The following FAF2 variants were observed in gnomAD, a reference collection of about 807,000 sequenced individuals.
FAF2 encodes the protein Fas associated factor family member 2, also known as FAS-associated factor 2.
A neutral mutation model predicts 62.3 loss-of-function variants in FAF2; 9 were observed. The observed-to-expected ratio is 0.14, with a 90% CI of 0.09 to 0.25. The LOEUF is 0.25. Ranked by LOEUF, FAF2 falls within the 10% of genes least tolerant of loss-of-function variation. The pLI, the probability that FAF2 is intolerant of heterozygous loss-of-function variation, is 1.00. For synonymous variants in FAF2, 202 were observed against 198.0 expected (o/e 1.02, Z -0.17); for missense variants, 368 against 556.2 (o/e 0.66, Z 3.40).
In FAF2 at chr5:176,508,274, A is replaced by T. The variant is rs923796228; in HGVS notation, c.*1324A>T. The T allele has an allele frequency of 6.6e-6, 1 of 152,140 alleles. No homozygotes were observed. The highest frequency in any genetic ancestry group is 1.5e-5 in the Non-Finnish European group (1 of 68,048). The allele number at this position is 152,140 out of a possible 1,614,324, so 9.4% of individuals were successfully genotyped here. On this transcript the variant is annotated 3_prime_UTR_variant, in exon 11 of 11. Coordinates refer to ENST00000261942, the MANE Select transcript of FAF2 (RefSeq NM_014613.3). ...GGGTACATGGGTCAGGCCATGTATT[A>T]ACAGATGCCAGTGCGCTCTGACAAG...
At position 176,476,627 on chromosome 5, in the gene FAF2, CTTTT is replaced by C. The variant is rs58104178; in HGVS notation, c.64-2541_64-2538del. Among the ~76,000 whole-genome samples the C allele has an allele frequency of 2.7e-4, 26 of 95,054 alleles. No individual in the cohort carries two copies. In the South Asian group the frequency reaches 3.2e-3, roughly 12 times the overall value. 62.4% of individuals were successfully genotyped at this position (95,054 alleles called of 152,430 possible). A position where few individuals can be genotyped will look rare whatever the true frequency, so the allele number is the denominator to read the frequency against. ...GGGGAAGATGGTAAGATTAGAGTCC[CTTTT>C]TTTTTTTTTTTTTTTTTTTGAGATG... On this transcript the variant is annotated intron_variant, in intron 1 of 10. Transcript: ENST00000261942.
At chr5:176,478,153 T>G (rs1758734236) in intron 1 of FAF2, among the ~76,000 whole-genome samples, 1 of 152,176 alleles carries the variant, frequency 6.6e-6, no homozygotes, top group African/African-American at 2.4e-5. Flanking sequence ...ACTGTTAGAT[T>G]TGCTGAATAT....
At chr5:176,478,491 G>A (rs896907441) in intron 1 of FAF2, among the ~76,000 whole-genome samples, 2 of 152,046 alleles carry the variant, frequency 1.3e-5, no homozygotes, top group Non-Finnish European at 2.9e-5. Context: ...AAAAAAAGTG[G>A]CGGGGGGTAG....
chr5:176,495,537 A>G (rs1386293129), intron 7 of FAF2, among the ~76,000 whole-genome samples: 1 of 141,146 alleles, frequency 7.1e-6, no homozygotes, highest in African/African-American at 2.7e-5. Flanking sequence ...TTTGAGACCA[A>G]GTTTTACTCT....
At position 176,450,693 on chromosome 5, in the gene FAF2, A is replaced by G. The variant is rs575183164; in HGVS notation, c.63+2223A>G. 5.9e-5 allele frequency among the ~76,000 whole-genome samples: 9 copies of G among 152,178 alleles called. No individual in the cohort carries two copies. In the South Asian group the frequency reaches 1.2e-3, roughly 21 times the overall value. ...CTCAGCCTCTCGAGTAGCTGGGACT[A>G]CAGGCACGCGCCACCACATCCAGCG... On this transcript the variant is annotated intron_variant, in intron 1 of 10. Transcript: ENST00000261942.
intron 1 of FAF2, among the ~76,000 whole-genome samples, chr5:176,456,740 G>C (rs1321240725): frequency 6.6e-6 from 1 of 152,108 alleles, no homozygotes; most frequent in East Asian, 1.9e-4. Context: ...CCTCCACTCT[G>C]TTGCTCTTTT....
At chr5:176,467,797 A>G (rs941789905) in intron 1 of FAF2, among the ~76,000 whole-genome samples, 1 of 152,070 alleles carries the variant, frequency 6.6e-6, no homozygotes, top group African/African-American at 2.4e-5. Flanking sequence ...TGTTGAGGAA[A>G]ATGTGAAGAT....
In FAF2 at chr5:176,500,180, A is replaced by G. The variant is rs750390953; in HGVS notation, c.1155+34A>G. On this transcript the variant is annotated intron_variant, in intron 10 of 10. Transcript: ENST00000261942. ...CACCTAAGTTCTGTGAAGTGTATGTAGCATCTGGGCTATAGATTTGGAGCT... is the reference window on the plus strand; with the variant it reads ...CACCTAAGTTCTGTGAAGTGTATGTGGCATCTGGGCTATAGATTTGGAGCT... 17 of 1,607,938 alleles carry G rather than the reference A, an allele frequency of 1.1e-5. 1 individual carries two copies. The highest frequency in any genetic ancestry group is 1.4e-5 in the Non-Finnish European group (17 of 1,175,798).
At chr5:176,450,362 T>C (rs781030501) in intron 1 of FAF2, among the ~76,000 whole-genome samples, 1 of 152,196 alleles carries the variant, frequency 6.6e-6, no homozygotes, top group African/African-American at 2.4e-5. Context: ...AGAGTGTTGT[T>C]TAACTTTGGC....
At position 176,461,233 on chromosome 5, in the gene FAF2, C is replaced by T. The variant is rs988182091; in HGVS notation, c.63+12763C>T. Reference sequence around the variant, plus strand: ...TTCACTGTGTTGTCCAGGCTGGTCTCGAACTCCTGACCTCAAGCAGTCCAC... The same window carrying T: ...TTCACTGTGTTGTCCAGGCTGGTCTTGAACTCCTGACCTCAAGCAGTCCAC... On this transcript the variant is annotated intron_variant, in intron 1 of 10. Transcript: ENST00000261942. Among the ~76,000 whole-genome samples the T allele has an allele frequency of 6.7e-5, 10 of 149,570 alleles. No homozygotes were observed. In the South Asian group the frequency reaches 1.1e-3, roughly 16 times the overall value.
rs556313399 is a variant in FAF2 at position 176,491,829 on chromosome 5, G to A, written c.345-365G>A. The stretch of plus-strand genomic sequence containing the variant: ...GACTAGTGGCTACAGTACTTAGACG[G>A]TGCCATTCTAGAGAGTCTGGGTGCA... On this transcript the variant is annotated intron_variant, in intron 4 of 10. Coordinates refer to ENST00000261942, the MANE Select transcript of FAF2 (RefSeq NM_014613.3). Among the ~76,000 whole-genome samples, 12 of 152,296 alleles carry A rather than the reference G, an allele frequency of 7.9e-5. No individual in the cohort carries two copies. The East Asian group carries it at 2.1e-3, about 27-fold the overall frequency.
In FAF2 at chr5:176,496,566, C is replaced by T. The variant is rs372894255; in HGVS notation, c.742C>T (p.Arg248Trp). The change falls in exon 8 of 11, where the codon CGG becomes TGG. Residue 248 changes from arginine (R) to tryptophan (W), a missense_variant. Arg to Trp is a moderately radical substitution (Grantham distance 101, BLOSUM62 -3). Transcript: ENST00000261942. ...LKDRRMTVVG[R>W]LEGLIQPDDL... ...GGATCGAAGGATGACTGTGGTGGGA[C>T]GGCTAGAAGGCCTCATTCAACCTGA... 7.4e-6 allele frequency: 12 copies of T among 1,612,948 alleles called. No individual in the cohort carries two copies. Among genetic ancestry groups the T allele is most frequent in the African/African-American group, 4.0e-5 (3 of 74,840 alleles).
chr5:176,476,784 A>G (rs1314128850), intron 1 of FAF2, among the ~76,000 whole-genome samples: 2 of 147,826 alleles, frequency 1.4e-5, no homozygotes, highest in South Asian at 2.2e-4. Context: ...ACAGGCACGC[A>G]GCACCACCAT....
chr5:176,467,922 T>C (rs555936932), intron 1 of FAF2, among the ~76,000 whole-genome samples: 2 of 152,294 alleles, frequency 1.3e-5, no homozygotes, highest in South Asian at 4.1e-4. Context: ...CCCAGCACTT[T>C]GGGAGGCTGA....
Position 176,492,255 on chromosome 5 carries a change from A to G in FAF2, c.406A>G (p.Ile136Val), listed in dbSNP as rs746424695. ...RSRVTDPVGD[I>V]VSFMHSFEEK... ...CCGGGTCACTGACCCCGTTGGGGAC[A>G]TTGTTTCATTTATGCACTCTTTTGA... The change falls in exon 5 of 11, where the codon ATT (isoleucine) becomes GTT (valine). Residue 136 changes from isoleucine to valine, a missense_variant. Transcript: ENST00000261942. The G allele has an allele frequency of 1.2e-6, 2 of 1,614,104 alleles. No individual in the cohort carries two copies. The highest frequency in any genetic ancestry group is 2.2e-5 in the East Asian group (1 of 44,888).
rs749249271 is a variant in FAF2, at chr5:176,506,776, C to T, written c.1164C>T (p.His388=). Reference sequence around the variant, plus strand: ...CTATATGACCTCTGCAGGTAATCCACGACTTCTTATTCTCCTTGAAGGAAA... The same window carrying T: ...CTATATGACCTCTGCAGGTAATCCATGACTTCTTATTCTCCTTGAAGGAAA... ...FHFSQSLTVI[H]DFLFSLKESP... Residue 388 remains histidine (H), a synonymous_variant, in exon 11 of 11, where the codon CAC becomes CAT. Coordinates refer to ENST00000261942, the MANE Select transcript of FAF2 (RefSeq NM_014613.3). The T allele has an allele frequency of 5.6e-6, 9 of 1,613,178 alleles. No homozygotes were observed. Among genetic ancestry groups the T allele is most frequent in the Admixed American group, 3.3e-5 (2 of 59,904 alleles).
chr5:176,493,399 G>A (rs1404146234), intron 5 of FAF2, among the ~76,000 whole-genome samples: 1 of 152,248 alleles, frequency 6.6e-6, no homozygotes, highest in Admixed American at 6.5e-5. Flanking sequence ...CCTTGACCAT[G>A]TCAGCAGTCG....
At chr5:176,483,251 T>C (rs12514451) in intron 2 of FAF2, among the ~76,000 whole-genome samples, 63,689 of 151,896 alleles carry the variant, frequency 0.42, 15,261 homozygotes, top group Non-Finnish European at 0.52. Context: ...GCAGAAAAGT[T>C]TTTCGTTTTG....
At chr5:176,481,326 A>G (rs920608150) in intron 2 of FAF2, among the ~76,000 whole-genome samples, 3 of 152,050 alleles carry the variant, frequency 2.0e-5, no homozygotes, top group East Asian at 1.9e-4. Context: ...GATTACAGGC[A>G]TGAGCCACCA....
Sources: allele counts gnomAD v4.1 joint callset (sites outside exome capture counted in the v4.1 genomes callset), GRCh38; gene constraint gnomAD v4.1.1; transcripts MANE v1.5; gene names NCBI Gene and HGNC (gene_info 2026-07-23, HGNC 2026-07-21).